Variants in ANK2 observed in about 807,000 individuals in gnomAD.
ANK2 encodes ankyrin-2.
Under a neutral mutation model 360.5 loss-of-function variants are expected in ANK2, and 83 were observed. The observed-to-expected ratio is 0.23, with a 90% CI of 0.19 to 0.28. The LOEUF is 0.28. Ranked by LOEUF, ANK2 falls within the 10% of genes least tolerant of loss-of-function variation. The probability of loss-of-function intolerance (pLI) is 1.00; values close to 1 mark genes in which losing one functional copy is unlikely to be tolerated. For missense variants in ANK2, 4,201 were observed against 4,795.7 expected (o/e 0.88, Z 3.66); for synonymous variants, 1,740 against 1,759.5 (o/e 0.99, Z 0.28).
intron 1 of ANK2, among the ~76,000 whole-genome samples, chr4:112,885,186 G>A (rs913858133): frequency 8.6e-5 from 13 of 151,824 alleles, no homozygotes; most frequent in Admixed American, 7.2e-4. Context: ...CCGTAATCAC[G>A]CTCAACTCTT....
intron 17 of ANK2, among the ~76,000 whole-genome samples, chr4:113,279,402 T>A (rs1321035869): frequency 6.6e-6 from 1 of 152,074 alleles, no homozygotes; most frequent in Non-Finnish European, 1.5e-5. Context: ...ATTCTAATGA[T>A]CTCCGTTTTG....
At chr4:112,932,763 T>C (rs1446374956) in intron 2 of ANK2, among the ~76,000 whole-genome samples, 1 of 152,090 alleles carries the variant, frequency 6.6e-6, no homozygotes, top group Non-Finnish European at 1.5e-5. Context: ...AGTTTAATAC[T>C]AGAAAACATT....
intron 24 of ANK2, among the ~76,000 whole-genome samples, chr4:113,312,121 T>C (rs2080292281): frequency 6.6e-6 from 1 of 151,764 alleles, no homozygotes; most frequent in Admixed American, 6.6e-5. Context: ...TTATGACTGA[T>C]AAGTTGGGCC....
intron 14 of ANK2, among the ~76,000 whole-genome samples, chr4:113,274,012 CA>C (rs1379113398): frequency 6.6e-6 from 1 of 152,128 alleles, no homozygotes; most frequent in Non-Finnish European, 1.5e-5. Flanking sequence ...GGAGTAAAAT[CA>C]AAGATTTTCC....
rs145546655 is a variant in ANK2, at chr4:113,353,831, G to C, written c.5213G>C (p.Gly1738Ala). ...LKKGSSEESLGEDPGLAPEPL... is the reference protein window; with the variant it reads ...LKKGSSEESLAEDPGLAPEPL... ...AAAGGTAGTTCAGAAGAGTCATTAG[G>C]TGAAGACCCAGGTTTAGCCCCTGAA... The change falls in exon 38 of 46, where the codon GGT becomes GCT. Residue 1738 changes from glycine to alanine, a missense_variant. Physicochemically the swap from Gly to Ala is moderately conservative, Grantham distance 60. Coordinates refer to ENST00000357077, the MANE Select transcript of ANK2 (RefSeq NM_001148.6). The C allele has an allele frequency of 6.2e-7, 1 of 1,614,030 alleles. No homozygotes were observed. The highest frequency in any genetic ancestry group is 2.2e-5 in the East Asian group (1 of 44,884).
At chr4:113,223,444 T>C (rs2099174124) in intron 4 of ANK2, among the ~76,000 whole-genome samples, 1 of 152,186 alleles carries the variant, frequency 6.6e-6, no homozygotes, top group South Asian at 2.1e-4. Flanking sequence ...ATGTAACTTA[T>C]TGAGTGTGTT....
At chr4:113,169,250 A>G (rs1331974974) in intron 1 of ANK2, among the ~76,000 whole-genome samples, 2 of 152,226 alleles carry the variant, frequency 1.3e-5, no homozygotes, top group African/African-American at 4.8e-5. Context: ...AAATTGAGAC[A>G]TACAATGACC....
At chr4:113,017,663 T>C (rs959741061) in intron 2 of ANK2, among the ~76,000 whole-genome samples, 1 of 152,192 alleles carries the variant, frequency 6.6e-6, no homozygotes, top group Non-Finnish European at 1.5e-5. Context: ...GAATTTTGTA[T>C]AGATTTTTGA....
intron 8 of ANK2, among the ~76,000 whole-genome samples, chr4:113,241,758 TAGAA>T (rs1187589707): frequency 6.6e-6 from 1 of 152,234 alleles, no homozygotes; most frequent in Admixed American, 6.5e-5. Flanking sequence ...ATGGATGTTA[TAGAA>T]AGAAAGACTT....
At chr4:113,156,669 T>C (rs1358793002) in intron 1 of ANK2, among the ~76,000 whole-genome samples, 1 of 152,038 alleles carries the variant, frequency 6.6e-6, no homozygotes, top group African/African-American at 2.4e-5. Flanking sequence ...AGCCTTAATG[T>C]AGAAAAATTC....
intron 13 of ANK2, 40 bp downstream of exon 13, chr4:113,258,451 A>C (rs558364984): frequency 1.3e-6 from 2 of 1,565,114 alleles, no homozygotes; most frequent in African/African-American, 2.7e-5. Context: ...AGGGAGGAAG[A>C]GCGAGAGGAA....
intron 2 of ANK2, among the ~76,000 whole-genome samples, chr4:113,185,484 A>G (rs944430820): frequency 6.6e-5 from 10 of 152,084 alleles, no homozygotes; most frequent in Admixed American, 1.3e-4. Context: ...GCTTTTTTTC[A>G]TATGTTTGTT....
chr4:112,869,772 G>A (rs544198034), intron 1 of ANK2, among the ~76,000 whole-genome samples: 35 of 152,082 alleles, frequency 2.3e-4, no homozygotes, highest in South Asian at 8.3e-4. Flanking sequence ...AATTTCTGCC[G>A]CCTTAGTTGA....
chr4:113,048,938 A>G (rs2065750656), upstream of ANK2, among the ~76,000 whole-genome samples: 1 of 151,294 alleles, frequency 6.6e-6, no homozygotes, highest in African/African-American at 2.4e-5. Context: ...ACACACACAC[A>G]CACACACACA....
intron 2 of ANK2, among the ~76,000 whole-genome samples, chr4:112,925,726 A>G (rs1305111344): frequency 2.0e-5 from 3 of 152,242 alleles, no homozygotes. Flanking sequence ...TACATAGAAG[A>G]GTTGGCTGTT....
At chr4:112,959,543 T>A (rs975915000) in intron 2 of ANK2, among the ~76,000 whole-genome samples, 3 of 152,186 alleles carry the variant, frequency 2.0e-5, no homozygotes, top group African/African-American at 7.2e-5. Context: ...GTGAATAGGT[T>A]ATGGGAAACA....
At chr4:113,082,876 T>C (rs920277461) in intron 1 of ANK2, among the ~76,000 whole-genome samples, 2 of 152,200 alleles carry the variant, frequency 1.3e-5, no homozygotes, top group Non-Finnish European at 2.9e-5. Context: ...TAAATTTTGC[T>C]ATAAAATCGA....
rs556101409 is a variant in ANK2, at chr4:112,901,855, ACT to A, written c.-39-2597_-39-2596del. On this transcript the variant is annotated intron_variant, in intron 1 of 30. Transcript: ENST00000503271. ...ACTCCAGCCTGGGCGACAGAGTGAG[ACT>A]CTGTCTCAAAAAAAAAAAAAAGGAA... 4.7e-3 allele frequency among the ~76,000 whole-genome samples: 702 copies of A among 148,394 alleles called. 3 individuals are homozygous for A. Among genetic ancestry groups the A allele is most frequent in the African/African-American group, 0.016 (644 of 40,108 alleles).
At chr4:113,340,466 GT>G (rs2094142081) in intron 32 of ANK2, among the ~76,000 whole-genome samples, 1 of 152,200 alleles carries the variant, frequency 6.6e-6, no homozygotes, top group Admixed American at 6.5e-5. Flanking sequence ...GCCAAGACAG[GT>G]GGATTGCTTG....
Sources: gnomAD v4.1 joint callset for allele counts (sites outside exome capture counted in the v4.1 genomes callset) on GRCh38, gnomAD v4.1.1 for gene constraint, MANE v1.5 for transcripts, NCBI Gene and HGNC (gene_info 2026-07-23, HGNC 2026-07-21) for gene names.